The following ODAD1 variants were observed in gnomAD, a reference collection of about 807,000 sequenced individuals.
The protein encoded by ODAD1 is outer dynein arm docking complex subunit 1.
Under a neutral mutation model 67.2 loss-of-function variants are expected in ODAD1, and 49 were observed. That is an observed-to-expected ratio of 0.73 (90% CI 0.58 to 0.92). The LOEUF is 0.92. ODAD1 is among the 40% of genes least tolerant of loss of function. The pLI is 0.00. For synonymous variants in ODAD1, 345 were observed against 393.7 expected (o/e 0.88, Z 1.46); for missense variants, 897 against 953.7 (o/e 0.94, Z 0.78).
chr19:48,315,043 A>C (rs1274982692), intron 5 of ODAD1, among the ~76,000 whole-genome samples: 1 of 152,074 alleles, frequency 6.6e-6, no homozygotes, highest in African/African-American at 2.4e-5. Flanking sequence ...TTTCAACTGC[A>C]CATGAATCCC....
In ODAD1 at chr19:48,313,667, G is replaced by A. The variant is rs56693015; in HGVS notation, c.361-1551C>T. On this transcript the variant is annotated intron_variant, in intron 5 of 15. Transcript: ENST00000674294. Reference sequence around the variant, plus strand: ...GAAGGCTGAGGCAGGATGATCTCTCGAAGCCAGGAGTTCAAGACCAGCCTG... The same window carrying A: ...GAAGGCTGAGGCAGGATGATCTCTCAAAGCCAGGAGTTCAAGACCAGCCTG... Among the ~76,000 whole-genome samples, 1,344 of 151,908 alleles carry A rather than the reference G, an allele frequency of 8.8e-3. 19 individuals are homozygous for A. The highest frequency in any genetic ancestry group is 0.031 in the African/African-American group (1,279 of 41,414).
intron 7 of ODAD1, among the ~76,000 whole-genome samples, chr19:48,307,718 G>A (rs1422292858): frequency 1.3e-5 from 2 of 152,042 alleles, no homozygotes; most frequent in African/African-American, 4.8e-5. Flanking sequence ...GGGAGGCTGA[G>A]GCAGGAGAAC....
Position 48,315,356 on chromosome 19 carries a change from C to T in ODAD1, c.360+3031G>A, listed in dbSNP as rs112961122. Among the ~76,000 whole-genome samples the T allele has an allele frequency of 2.6e-5, 4 of 152,310 alleles. 1 individual carries two copies. The highest frequency in any genetic ancestry group is 4.8e-5 in the African/African-American group (2 of 41,580). On this transcript the variant is annotated intron_variant, in intron 5 of 15. Coordinates refer to ENST00000674294, the MANE Select transcript of ODAD1 (RefSeq NM_001364171.2). ...GGTCAGGAGTTCGAGACCAGCCTGG[C>T]CAACATGGCGAAACCCCGTCTCTAC...
Position 48,301,438 on chromosome 19 carries a change from G to A in ODAD1, c.1240+1256C>T, listed in dbSNP as rs118149725. The stretch of plus-strand genomic sequence containing the variant: ...TGTTTTTTAGTGTTTTGTGAAACAA[G>A]TGGAATAATGCATAAGTGCCTTGCA... On this transcript the variant is annotated intron_variant, in intron 12 of 15. Transcript: ENST00000674294. Among the ~76,000 whole-genome samples the A allele has an allele frequency of 1.1e-3, 170 of 152,252 alleles. 2 individuals are homozygous for A. The East Asian group carries it at 0.031, about 28-fold the overall frequency.
intron 4 of ODAD1, 54 bp downstream of exon 4, chr19:48,318,659 T>A (rs552144965): frequency 1.3e-6 from 2 of 1,535,246 alleles, no homozygotes; most frequent in African/African-American, 2.7e-5. Context: ...GAGTCCAGTC[T>A]TCAGCCCCTC....
chr19:48,319,279 T>C (rs992276169), intron 3 of ODAD1, among the ~76,000 whole-genome samples: 8 of 151,886 alleles, frequency 5.3e-5, no homozygotes, highest in African/African-American at 1.9e-4. Context: ...TCCTGCACAG[T>C]CCCAGAGGGT....
chr19:48,300,795 TAG>T (rs1031926323), intron 12 of ODAD1, among the ~76,000 whole-genome samples: 1 of 152,132 alleles, frequency 6.6e-6, no homozygotes, highest in Admixed American at 6.6e-5. Flanking sequence ...ATTAAATTAA[TAG>T]AGAGAGTACG....
At chr19:48,298,404 C>A in intron 12 of ODAD1, 64 bp from the exon 13 acceptor site, 1 of 1,536,380 alleles carries the variant, frequency 6.5e-7, no homozygotes, top group South Asian at 1.2e-5. Flanking sequence ...GCCCTCTCCC[C>A]ACTCAGGTCC....
At chr19:48,303,824 C>T (rs1968535131) in intron 9 of ODAD1, 40 bp from the exon 10 acceptor site, 1 of 1,584,238 alleles carries the variant, frequency 6.3e-7, no homozygotes, top group Non-Finnish European at 8.6e-7. Context: ...TCCTGGGTGG[C>T]CTCCAACACA....
intron 12 of ODAD1, among the ~76,000 whole-genome samples, chr19:48,299,809 AAAT>A (rs973058098): frequency 3.3e-5 from 5 of 151,650 alleles, no homozygotes; most frequent in African/African-American, 9.7e-5. Flanking sequence ...AAATTTTAAA[AAAT>A]AATAATAATA....
At chr19:48,314,413 G>A (rs1968845303) in intron 5 of ODAD1, among the ~76,000 whole-genome samples, 1 of 152,202 alleles carries the variant, frequency 6.6e-6, no homozygotes, top group Non-Finnish European at 1.5e-5. Context: ...TGTCATAGCA[G>A]CCCTAACAAA....
rs900428958 is a variant in ODAD1, at chr19:48,302,826, C to A, written c.1108G>T (p.Asp370Tyr). 6.2e-6 allele frequency: 10 copies of A among 1,614,076 alleles called. No homozygotes were observed. In the Admixed American group the frequency reaches 6.7e-5, roughly 11 times the overall value. The change falls in exon 12 of 16, where the codon GAT (aspartate) becomes TAT (tyrosine). Residue 370 changes from aspartate to tyrosine, a missense_variant. Transcript: ENST00000674294. The stretch of plus-strand genomic sequence containing the variant: ...TGCTCCTGCAGCAAATGCTGGTCAT[C>A]CTTGCTGGCACGTGCGCTCACCAAA... Reference protein sequence around the residue: ...EALVSARASKDDQHLLQEQQQ... With the variant: ...EALVSARASKYDQHLLQEQQQ...
rs1293504190 is a variant in ODAD1, at chr19:48,298,062, C to A, written c.1440G>T (p.Val480=). 1 of 1,613,322 alleles carries A rather than the reference C, an allele frequency of 6.2e-7. No individual in the cohort carries two copies. Among genetic ancestry groups the A allele is most frequent in the Non-Finnish European group, 8.5e-7 (1 of 1,179,762 alleles). The stretch of plus-strand genomic sequence containing the variant: ...GAAGGTCCTCCAGGCTCTGGCCCAG[C>A]ACTAGGAGGGCAGCGTCGGCCAGGG... ...FTSLADAALL[V]LGQSLEDLPK... is the part of the protein sequence containing the mutation. Residue 480 remains valine, a synonymous_variant, in exon 14 of 16, where the codon GTG becomes GTT. Coordinates refer to ENST00000674294, the MANE Select transcript of ODAD1 (RefSeq NM_001364171.2).
chr19:48,311,422 C>T (rs982217051), intron 7 of ODAD1, 131 bp downstream of exon 7: 6 of 611,114 alleles, frequency 9.8e-6, no homozygotes, highest in Admixed American at 2.8e-5. Context: ...GCCTTTTGGA[C>T]TAAAGCAAGC....
rs761036712 is a variant in ODAD1, at chr19:48,297,456, C to A, written c.1644G>T (p.Lys548Asn). The change falls in exon 16 of 16, where the codon AAG becomes AAT. Residue 548 changes from lysine to asparagine, a missense_variant. By Grantham distance (94) the Lys-to-Asn change is moderately conservative (BLOSUM62 0). Transcript: ENST00000674294. ...GGTCCACGCTCAGGGTGCCGTCCAG[C>A]TTCGCGGCGGCGGCGGCCAGGTCCT... Reference protein sequence around the residue: ...RQKDLAAAAAKLDGTLSVDLA... With the variant: ...RQKDLAAAAANLDGTLSVDLA... 3 of 1,601,570 alleles carry A rather than the reference C, an allele frequency of 1.9e-6. No individual in the cohort carries two copies. Among genetic ancestry groups the A allele is most frequent in the African/African-American group, 2.7e-5 (2 of 74,716 alleles).
chr19:48,299,964 C>A (rs534081277), intron 12 of ODAD1, among the ~76,000 whole-genome samples: 1 of 150,250 alleles, frequency 6.7e-6, no homozygotes, highest in Non-Finnish European at 1.5e-5. Context: ...TCACTTGAGT[C>A]CAGGAGTTCA....
chr19:48,318,453 C>T lies in ODAD1; in HGVS notation c.294G>A (p.Lys98=), dbSNP rs1285446880. The change falls in exon 5 of 16, where the codon AAG becomes AAA. Residue 98 remains lysine, a synonymous_variant. Transcript: ENST00000674294. ...QRLENMDRLL[K]GRAQVQAEIE... ...TCTCCGCCTGCACCTGGGCCCGGCCCTTCAGCAGGCGGTCCATGTTCTCCA... is the reference window on the plus strand; with the variant it reads ...TCTCCGCCTGCACCTGGGCCCGGCCTTTCAGCAGGCGGTCCATGTTCTCCA... 4 of 1,551,708 alleles carry T rather than the reference C, an allele frequency of 2.6e-6. No individual in the cohort carries two copies. In the South Asian group the frequency reaches 3.6e-5, roughly 14 times the overall value.
At chr19:48,311,727 A>T in intron 6 of ODAD1, 61 bp from the exon 7 acceptor site, 1 of 1,020,586 alleles carries the variant, frequency 9.8e-7, no homozygotes, top group Non-Finnish European at 1.5e-6. Flanking sequence ...GCCTCCTCCA[A>T]GCTCAGCCAA....
At chr19:48,298,856 C>A (rs916218585) in intron 12 of ODAD1, among the ~76,000 whole-genome samples, 2 of 152,204 alleles carry the variant, frequency 1.3e-5, no homozygotes, top group Non-Finnish European at 2.9e-5. Context: ...GGCCTCTCCC[C>A]ACTGTGCCCA....
Sources: allele counts gnomAD v4.1 joint callset (sites outside exome capture counted in the v4.1 genomes callset), GRCh38; gene constraint gnomAD v4.1.1; transcripts MANE v1.5; gene names NCBI Gene and HGNC (gene_info 2026-07-23, HGNC 2026-07-21).